The following PPM1K variants were observed in gnomAD, a reference collection of about 807,000 sequenced individuals.
The protein encoded by PPM1K is protein phosphatase Mn(2+)-dependent 1K.
In PPM1K, 19 loss-of-function variants were observed where a neutral mutation model predicts 32.6. The observed-to-expected ratio is 0.58, with a 90% confidence interval of 0.41 to 0.86. The LOEUF (loss-of-function observed/expected upper bound fraction) is 0.86. Among genes scored for constraint, PPM1K ranks in the 40% least tolerant of loss-of-function variants. The probability of loss-of-function intolerance (pLI) is 0.00; values close to 1 mark genes in which losing one functional copy is unlikely to be tolerated. For synonymous variants in PPM1K, 159 were observed against 165.3 expected, an observed-to-expected ratio of 0.96 and a Z score of 0.29; for missense variants, 362 against 461.2, an observed-to-expected ratio of 0.78 and a Z score of 1.97.
intron 3 of PPM1K, chr4:88,271,060 C>T (rs748876785): frequency 1.1e-4 from 57 of 518,242 alleles, no homozygotes; most frequent in Admixed American, 1.1e-3. Context: ...GGAACCTTCC[C>T]GTAGTCCAGG....
At chr4:88,269,026 T>C in intron 3 of PPM1K, 120 bp from the exon 4 acceptor site, 1 of 831,674 alleles carries the variant, frequency 1.2e-6, no homozygotes, top group South Asian at 1.8e-5. Context: ...ATCATTCTAA[T>C]TTAACTAGAG....
chr4:88,279,547 C>A (rs777173016), intron 1 of PPM1K: 1 of 152,104 alleles, frequency 6.6e-6, no homozygotes, highest in East Asian at 1.9e-4. Flanking sequence ...CTTTCCCCAA[C>A]CCTAACAACC....
In PPM1K at chr4:88,261,356, A is replaced by G. The variant is rs1477817924; in HGVS notation, c.*1239T>C. On this transcript the variant is annotated 3_prime_UTR_variant, in exon 7 of 7. Transcript: ENST00000608933. ...CTATAGCAGTATCAGTCAATGTGGTATTATTTTTATTAACAAATTATTCAA... is the reference window on the plus strand; with the variant it reads ...CTATAGCAGTATCAGTCAATGTGGTGTTATTTTTATTAACAAATTATTCAA... 1 of 152,230 alleles carries G rather than the reference A, an allele frequency of 6.6e-6. No homozygotes were observed. Among genetic ancestry groups the G allele is most frequent in the Non-Finnish European group, 1.5e-5 (1 of 68,026 alleles). The allele number at this position is 152,230 out of a possible 1,614,324, so 9.4% of individuals were successfully genotyped here. A position where few individuals can be genotyped will look rare whatever the true frequency, so the allele number is the denominator to read the frequency against.
intron 3 of PPM1K, chr4:88,271,137 G>A (rs944572788): frequency 3.9e-6 from 2 of 517,944 alleles, no homozygotes; most frequent in Non-Finnish European, 7.7e-6. Context: ...CTGAAGCCCC[G>A]CATATAGTGT....
chr4:88,278,549 C>T lies in PPM1K; in HGVS notation c.35G>A (p.Ser12Asn), dbSNP rs763324649. Residue 12 changes from serine (S) to asparagine (N), a missense_variant, in exon 2 of 7, where the codon AGT (serine) becomes AAT (asparagine). By Grantham distance (46) the Ser-to-Asn change is conservative. Transcript: ENST00000608933. This position sits in a 1 kb window ranked among gnomAD's most constrained non-coding sequence, Gnocchi z 4.2. ...TCTCCTTCTCACCTGGTTCCCACCA[C>T]TTCTGACCAAAGTAATTAAGGCAGC... ...STAALITLVRSGGNQVRRRVL... is the reference protein window; with the variant it reads ...STAALITLVRNGGNQVRRRVL... The T allele has an allele frequency of 1.9e-6, 3 of 1,612,786 alleles. No individual in the cohort carries two copies. Among genetic ancestry groups the T allele is most frequent in the South Asian group, 1.1e-5 (1 of 90,908 alleles).
In PPM1K at chr4:88,276,287, A is replaced by G. The variant is rs958690989; in HGVS notation, c.541+856T>C. On this transcript the variant is annotated intron_variant, in intron 3 of 6. Coordinates refer to ENST00000608933, the MANE Select transcript of PPM1K (RefSeq NM_152542.5). ...GCACTTGGTTTCTTTCTTTTTTTTA[A>G]GAAAAGGATGAACCAAATACAGATC... The G allele has an allele frequency of 1.0e-5, 10 of 985,228 alleles. No homozygotes were observed. In the South Asian group the frequency reaches 4.2e-4, roughly 42 times the overall value. The allele number at this position is 985,228 out of a possible 1,614,324, so 61.0% of individuals were successfully genotyped here. A position where few individuals can be genotyped will look rare whatever the true frequency, so the allele number is the denominator to read the frequency against.
intron 3 of PPM1K, 106 bp from the exon 4 acceptor site, chr4:88,269,012 A>G: frequency 2.1e-6 from 2 of 931,552 alleles, no homozygotes; most frequent in Non-Finnish European, 3.2e-6. Flanking sequence ...TAATGCTGGA[A>G]TATATCATTC....
chr4:88,281,897 A>G (rs1353346819), intron 1 of PPM1K, among the ~76,000 whole-genome samples: 2 of 152,168 alleles, frequency 1.3e-5, no homozygotes, highest in Non-Finnish European at 2.9e-5. Context: ...GCCGATGCCC[A>G]TGGGAATGAC....
chr4:88,259,906 A>G lies in PPM1K; in HGVS notation c.*2689T>C, dbSNP rs1731056870. ...AGACTCTGTAACTATAAAAAACAAA[A>G]ACAGACAAACTTGGCTATCTACCTC... On this transcript the variant is annotated 3_prime_UTR_variant, in exon 7 of 7. Transcript: ENST00000608933. 1 of 152,230 alleles carries G rather than the reference A, an allele frequency of 6.6e-6. No individual in the cohort carries two copies. Among genetic ancestry groups the G allele is most frequent in the African/African-American group, 2.4e-5 (1 of 41,428 alleles). The allele number at this position is 152,230 out of a possible 1,614,324, so 9.4% of individuals were successfully genotyped here.
At position 88,265,030 on chromosome 4, in the gene PPM1K, T is replaced by C. The variant is rs1371124899; in HGVS notation, c.958A>G (p.Asn320Asp). 6.2e-7 allele frequency: 1 copy of C among 1,614,172 alleles called. No individual in the cohort carries two copies. Among genetic ancestry groups the C allele is most frequent in the Non-Finnish European group, 8.5e-7 (1 of 1,180,032 alleles). The change falls in exon 6 of 7, where the codon AAC (asparagine) becomes GAC (aspartate). Residue 320 changes from asparagine to aspartate, a missense_variant. By Grantham distance (23) the Asn-to-Asp change is conservative. Transcript: ENST00000608933. ...TCAGTCACCGCATGGGCTGCTTCGTTGGGATCATGGCACTGATTGACAAAG... is the reference window on the plus strand; with the variant it reads ...TCAGTCACCGCATGGGCTGCTTCGTCGGGATCATGGCACTGATTGACAAAG... The part of the protein sequence containing the change: ...CDFVNQCHDP[N>D]EAAHAVTEQA...
chr4:88,277,059 C>T (rs1315010042), intron 3 of PPM1K, 84 bp downstream of exon 3: 1 of 1,039,442 alleles, frequency 9.6e-7, no homozygotes, highest in Non-Finnish European at 1.5e-6. Flanking sequence ...TCCCCTCCCC[C>T]AAAGGACTTA....
rs2110180020 is a variant in PPM1K at position 88,284,524 on chromosome 4, A to C, written c.-178T>G. 1 of 152,410 alleles carries C rather than the reference A, an allele frequency of 6.6e-6. No homozygotes were observed. The highest frequency in any genetic ancestry group is 6.5e-5 in the Admixed American group (1 of 15,312). 9.4% of individuals were successfully genotyped at this position (152,410 alleles called of 1,614,324 possible). Reference sequence around the variant, plus strand: ...GTCGTCTCGGATCTCCGAAGCAAGCAGTCAAAGCGGCCACTGCCTTGCCTG... The same window carrying C: ...GTCGTCTCGGATCTCCGAAGCAAGCCGTCAAAGCGGCCACTGCCTTGCCTG... On this transcript the variant is annotated 5_prime_UTR_variant, in exon 1 of 7. Transcript: ENST00000608933.
chr4:88,271,394 A>C (rs1731552091), intron 3 of PPM1K, among the ~76,000 whole-genome samples: 1 of 152,198 alleles, frequency 6.6e-6, no homozygotes, highest in African/African-American at 2.4e-5. Context: ...AGTTTGTTCC[A>C]GTTGATGGTA....
rs1184738530 is a variant in PPM1K at position 88,258,049 on chromosome 4, C to T, written c.*4546G>A. The stretch of plus-strand genomic sequence containing the variant: ...AGGCCATCACAAGTTGGCTTGTTCA[C>T]CTTCTAAAGACATGACTTTATTTCT... On this transcript the variant is annotated 3_prime_UTR_variant, in exon 7 of 7. Transcript: ENST00000608933. 1 of 152,176 alleles carries T rather than the reference C, an allele frequency of 6.6e-6. No homozygotes were observed. The highest frequency in any genetic ancestry group is 1.5e-5 in the Non-Finnish European group (1 of 68,030). 9.4% of individuals were successfully genotyped at this position (152,176 alleles called of 1,614,324 possible). A position where few individuals can be genotyped will look rare whatever the true frequency, so the allele number is the denominator to read the frequency against.
intron 5 of PPM1K, 80 bp downstream of exon 5, chr4:88,268,110 G>T: frequency 6.8e-7 from 1 of 1,462,402 alleles, no homozygotes; most frequent in Non-Finnish European, 9.4e-7. Context: ...TTCAGTTAAG[G>T]CTTCCAAGAA....
chr4:88,283,580 A>G (rs905836099), intron 1 of PPM1K, among the ~76,000 whole-genome samples: 4 of 152,218 alleles, frequency 2.6e-5, no homozygotes, highest in Admixed American at 1.3e-4. Context: ...TTCCCTGGCT[A>G]TTTCCACCTG....
At position 88,268,313 on chromosome 4, in the gene PPM1K, A is replaced by C; in HGVS notation, c.729T>G (p.Phe243Leu). 2 of 1,614,208 alleles carry C rather than the reference A, an allele frequency of 1.2e-6. No homozygotes were observed. The highest frequency in any genetic ancestry group is 1.7e-6 in the Non-Finnish European group (2 of 1,180,034). Residue 243 changes from phenylalanine (F) to leucine (L), a missense_variant, in exon 5 of 7, where the codon TTT becomes TTG. Phe to Leu is a conservative substitution (Grantham distance 22, BLOSUM62 0). Transcript: ENST00000608933. ...GCTGCCCCAAACTATTCCAAGCTACAAAACCACCACATTTCTTGATCCTGT... is the reference window on the plus strand; with the variant it reads ...GCTGCCCCAAACTATTCCAAGCTACCAAACCACCACATTTCTTGATCCTGT... The part of the protein sequence containing the change: ...EKERIKKCGG[F>L]VAWNSLGQPH...
rs571443888 is a variant in PPM1K at position 88,259,099 on chromosome 4, GA to G, written c.*3495del. ...GAGACTCCTTCTCAAAAAAAAAAAAGAAAAAAAAATACAAAAATTAGCCAGG... is the reference window on the plus strand; with the variant it reads ...GAGACTCCTTCTCAAAAAAAAAAAAGAAAAAAAATACAAAAATTAGCCAGG... On this transcript the variant is annotated 3_prime_UTR_variant, in exon 7 of 7. Coordinates refer to ENST00000608933, the MANE Select transcript of PPM1K (RefSeq NM_152542.5). 12 of 130,090 alleles carry G rather than the reference GA, an allele frequency of 9.2e-5. No individual in the cohort carries two copies. The South Asian group carries it at 1.7e-3, about 19-fold the overall frequency. 8.1% of individuals were successfully genotyped at this position (130,090 alleles called of 1,614,324 possible). A position where few individuals can be genotyped will look rare whatever the true frequency, so the allele number is the denominator to read the frequency against.
chr4:88,281,593 C>T (rs1285098257), intron 1 of PPM1K, among the ~76,000 whole-genome samples: 1 of 152,086 alleles, frequency 6.6e-6, no homozygotes, highest in African/African-American at 2.4e-5. Context: ...TACTTTAAGG[C>T]ATATTATTGG....
Sources: gnomAD v4.1 joint callset for allele counts (sites outside exome capture counted in the v4.1 genomes callset) on GRCh38, gnomAD v4.1.1 for gene constraint, Gnocchi (gnomAD v3.1) non-coding constraint, MANE v1.5 for transcripts, NCBI Gene and HGNC (gene_info 2026-07-23, HGNC 2026-07-21) for gene names.